ZFAND3: variants seen among roughly 807,000 people sequenced by gnomAD.
ZFAND3 encodes zinc finger AN1-type containing 3, also known as AN1-type zinc finger protein 3.
In ZFAND3, 10 loss-of-function variants were observed where a neutral mutation model predicts 29.6. That is an observed-to-expected ratio of 0.34 (90% CI 0.21 to 0.57). The LOEUF (loss-of-function observed/expected upper bound fraction) is 0.57, where lower values mean the gene tolerates loss of function less well. Among genes scored for constraint, ZFAND3 ranks in the 20% least tolerant of loss-of-function variants. The probability of loss-of-function intolerance (pLI) is 0.86; values close to 1 mark genes in which losing one functional copy is unlikely to be tolerated. For synonymous variants in ZFAND3, 128 were observed against 112.6 expected, an observed-to-expected ratio of 1.14 and a Z score of -0.87; for missense variants, 230 against 304.5, an observed-to-expected ratio of 0.76 and a Z score of 1.82.
Position 38,120,320 on chromosome 6 carries a change from C to CTTTTTTTTTTTTTTTTTTTTTT in ZFAND3, c.529+3590_529+3611dup, listed in dbSNP as rs70981523. 5.8e-4 allele frequency among the ~76,000 whole-genome samples: 35 copies of CTTTTTTTTTTTTTTTTTTTTTT among 60,734 alleles called. 6 individuals are homozygous for CTTTTTTTTTTTTTTTTTTTTTT. The highest frequency in any genetic ancestry group is 1.0e-3 in the East Asian group (2 of 2,008). 39.8% of individuals were successfully genotyped at this position (60,734 alleles called of 152,430 possible). A position where few individuals can be genotyped will look rare whatever the true frequency, so the allele number is the denominator to read the frequency against. On this transcript the variant is annotated intron_variant, in intron 5 of 5. Coordinates refer to ENST00000287218, the MANE Select transcript of ZFAND3 (RefSeq NM_021943.3). ...TGATTGATACACGTAGCTTGGCTTC[C>CTTTTTTTTTTTTTTTTTTTTTT]TTTTTTTTTTTTTTTTTTTTTTTTT...
chr6:38,006,291 T>A (rs1370410675), intron 2 of ZFAND3, among the ~76,000 whole-genome samples: 1 of 152,210 alleles, frequency 6.6e-6, no homozygotes, highest in African/African-American at 2.4e-5. Context: ...AGCTGTTGTA[T>A]GTCTCTGTGT....
intron 2 of ZFAND3, among the ~76,000 whole-genome samples, chr6:37,980,949 T>G (rs892629119): frequency 6.6e-6 from 1 of 152,136 alleles, no homozygotes; most frequent in African/African-American, 2.4e-5. Context: ...TGCTGGAAAA[T>G]TTATAATGGG....
At chr6:37,911,450 T>G (rs1336414669) in intron 1 of ZFAND3, among the ~76,000 whole-genome samples, 1 of 152,228 alleles carries the variant, frequency 6.6e-6, no homozygotes, top group Non-Finnish European at 1.5e-5. Context: ...AGAAGTATGG[T>G]CATCAGAAGT....
chr6:37,918,111 C>G (rs894061625), intron 1 of ZFAND3, among the ~76,000 whole-genome samples: 3 of 152,048 alleles, frequency 2.0e-5, no homozygotes, highest in African/African-American at 7.2e-5. Flanking sequence ...GAGTCTCGCT[C>G]TGTTGCCCAG....
intron 2 of ZFAND3, among the ~76,000 whole-genome samples, chr6:38,030,173 C>CT (rs1763532502): frequency 1.5e-5 from 2 of 135,120 alleles, no homozygotes; most frequent in African/African-American, 2.8e-5. Context: ...CCTTTCCTTC[C>CT]TTTTTTTCCT....
At chr6:38,021,994 T>C (rs1763362984) in intron 2 of ZFAND3, among the ~76,000 whole-genome samples, 1 of 152,226 alleles carries the variant, frequency 6.6e-6, no homozygotes, top group Non-Finnish European at 1.5e-5. Context: ...AACCTAATCT[T>C]GTGATTTGGA....
At chr6:38,140,580 C>T (rs950071896) in intron 5 of ZFAND3, among the ~76,000 whole-genome samples, 2 of 152,142 alleles carry the variant, frequency 1.3e-5, no homozygotes, top group Non-Finnish European at 2.9e-5. Context: ...GCCTTGACCT[C>T]CTGGTTGCAA....
chr6:38,103,505 A>G (rs555922874), intron 4 of ZFAND3, among the ~76,000 whole-genome samples: 26 of 35,614 alleles, frequency 7.3e-4, no homozygotes, highest in African/African-American at 2.5e-3. Flanking sequence ...GTGTATATAT[A>G]TACACGTGTA....
rs576509161 is a variant in ZFAND3, at chr6:37,947,874, T to C, written c.112+17875T>C. On this transcript the variant is annotated intron_variant, in intron 2 of 5. Transcript: ENST00000287218. ...TTATGGGTATATAAATATTATGACA[T>C]TGGAGCATTTAGCTTAGTATTTCCT... 3.3e-5 allele frequency among the ~76,000 whole-genome samples: 5 copies of C among 152,324 alleles called. No homozygotes were observed. In the South Asian group the frequency reaches 1.0e-3, roughly 32 times the overall value.
intron 4 of ZFAND3, among the ~76,000 whole-genome samples, chr6:38,102,353 G>A (rs770004963): frequency 6.6e-6 from 1 of 152,154 alleles, no homozygotes; most frequent in Non-Finnish European, 1.5e-5. Context: ...CTGTATGTGT[G>A]TTTTTGATAA....
At chr6:38,063,426 G>C (rs1302043487) in intron 3 of ZFAND3, among the ~76,000 whole-genome samples, 1 of 152,132 alleles carries the variant, frequency 6.6e-6, no homozygotes, top group Non-Finnish European at 1.5e-5. Flanking sequence ...GCATCACATA[G>C]GACAGTCCTC....
chr6:38,128,068 C>G (rs546689291), intron 5 of ZFAND3, among the ~76,000 whole-genome samples: 85 of 152,310 alleles, frequency 5.6e-4, no homozygotes, highest in African/African-American at 1.9e-3. Flanking sequence ...CTGTGTGGAG[C>G]CTTTGCAGCA....
At chr6:37,962,754 G>C (rs1158607906) in intron 2 of ZFAND3, among the ~76,000 whole-genome samples, 3 of 152,212 alleles carry the variant, frequency 2.0e-5, no homozygotes, top group East Asian at 3.8e-4. Context: ...ACCTGAGCCA[G>C]CAAGGGCAAC....
chr6:38,063,497 C>T (rs911694481), intron 3 of ZFAND3, among the ~76,000 whole-genome samples: 4 of 152,148 alleles, frequency 2.6e-5, no homozygotes, highest in Non-Finnish European at 5.9e-5. Flanking sequence ...AACCCTGATA[C>T]ATGTTTGCAT....
Position 38,153,678 on chromosome 6 carries a change from G to C in ZFAND3, c.*1289G>C, listed in dbSNP as rs544003163. The C allele has an allele frequency of 3.0e-6, 3 of 985,300 alleles. No homozygotes were observed. The highest frequency in any genetic ancestry group is 1.2e-4 in the Admixed American group (2 of 16,270). 61.0% of individuals were successfully genotyped at this position (985,300 alleles called of 1,614,324 possible). On this transcript the variant is annotated 3_prime_UTR_variant, in exon 6 of 6. Coordinates refer to ENST00000287218, the MANE Select transcript of ZFAND3 (RefSeq NM_021943.3). ...CTGCGCACGCCAGGTGGGGAAGGGT[G>C]GGGGTGGGCCTGGTTGCCCCATGTT...
At chr6:38,033,984 T>A (rs1763611637) in intron 2 of ZFAND3, among the ~76,000 whole-genome samples, 2 of 152,340 alleles carry the variant, frequency 1.3e-5, no homozygotes, top group South Asian at 4.1e-4. Context: ...TTCTAGAATT[T>A]AAAAAGACTT....
At chr6:37,914,944 A>G (rs1232380396) in intron 1 of ZFAND3, among the ~76,000 whole-genome samples, 1 of 152,120 alleles carries the variant, frequency 6.6e-6, no homozygotes, top group Admixed American at 6.6e-5. Flanking sequence ...GCATTGACTT[A>G]TCCTTTCTAA....
At chr6:38,025,765 C>T (rs1763435702) in intron 2 of ZFAND3, among the ~76,000 whole-genome samples, 1 of 152,154 alleles carries the variant, frequency 6.6e-6, no homozygotes, top group Non-Finnish European at 1.5e-5. Context: ...AGGAGCCAGT[C>T]ATGAAAGACT....
intron 2 of ZFAND3, among the ~76,000 whole-genome samples, chr6:38,000,535 G>A (rs1302007753): frequency 6.6e-6 from 1 of 152,118 alleles, no homozygotes. Context: ...AAGAGAGCTC[G>A]TGTAAGGGAC....
Sources: gnomAD v4.1 joint callset for allele counts (sites outside exome capture counted in the v4.1 genomes callset) on GRCh38, gnomAD v4.1.1 for gene constraint, MANE v1.5 for transcripts, NCBI Gene and HGNC (gene_info 2026-07-23, HGNC 2026-07-21) for gene names.